Variants in NCKAP5 observed in about 807,000 individuals in gnomAD.
The protein encoded by NCKAP5 is nck-associated protein 5.
NCKAP5 carries 92 observed loss-of-function variants against 167.0 expected under a neutral mutation model. The observed-to-expected ratio is 0.55, with a 90% CI of 0.47 to 0.66. The LOEUF (loss-of-function observed/expected upper bound fraction) is 0.66, where lower values mean the gene tolerates loss of function less well. Ranked by LOEUF, NCKAP5 falls within the 30% of genes least tolerant of loss-of-function variation. The pLI is 0.00. For synonymous variants in NCKAP5, 891 were observed against 877.4 expected, an observed-to-expected ratio of 1.02 and a Z score of -0.27; for missense variants, 2,378 against 2,315.0, an observed-to-expected ratio of 1.03 and a Z score of -0.56.
intron 11 of NCKAP5, among the ~76,000 whole-genome samples, chr2:132,801,966 C>T (rs1422092906): frequency 2.6e-5 from 4 of 152,094 alleles, no homozygotes; most frequent in East Asian, 3.9e-4. Flanking sequence ...TTAGTAGAGA[C>T]GGGGTTTCAC....
intron 5 of NCKAP5, among the ~76,000 whole-genome samples, chr2:133,198,123 T>C (rs1391983351): frequency 6.6e-6 from 1 of 152,090 alleles, no homozygotes; most frequent in East Asian, 1.9e-4. Context: ...TGTGAAAATA[T>C]ATAGATAGGC....
rs544254489 is a variant in NCKAP5 at position 133,285,907 on chromosome 2, C to T, written c.143+17130G>A. Among the ~76,000 whole-genome samples the T allele has an allele frequency of 1.4e-4, 22 of 152,116 alleles. 1 individual carries two copies. Among genetic ancestry groups the T allele is most frequent in the Non-Finnish European group, 2.5e-4 (17 of 68,014 alleles). ...CATTTAACTGATGAGCTGAAACTCA[C>T]GTCCTTCCTTTTGAAAGCTAAAGTA... On this transcript the variant is annotated intron_variant, in intron 4 of 19. Transcript: ENST00000409261.
At chr2:133,632,377 G>A in the NCKAP5 span, among the ~76,000 whole-genome samples, 1 of 152,384 alleles carries the variant, frequency 6.6e-6, no homozygotes, top group East Asian at 1.9e-4. Context: ...CCCCAAGGCT[G>A]CCTGGATTAA....
chr2:133,082,838 G>A (rs1478551572), intron 6 of NCKAP5, among the ~76,000 whole-genome samples: 2 of 152,174 alleles, frequency 1.3e-5, no homozygotes, highest in Non-Finnish European at 2.9e-5. Context: ...TGAGAAAATA[G>A]TTGGTGCTTC....
chr2:132,779,928 T>C (rs957455534), intron 15 of NCKAP5, among the ~76,000 whole-genome samples: 7 of 152,178 alleles, frequency 4.6e-5, no homozygotes, highest in Admixed American at 3.9e-4. Context: ...ATAATCTCTT[T>C]ATTAGAGTAC....
intron 11 of NCKAP5, among the ~76,000 whole-genome samples, chr2:132,806,749 T>G (rs1442363463): frequency 6.6e-6 from 1 of 152,346 alleles, no homozygotes; most frequent in East Asian, 1.9e-4. Flanking sequence ...CTGTTCCTTT[T>G]GCTGTGCAAA....
At chr2:133,584,203 C>T in the NCKAP5 span, among the ~76,000 whole-genome samples, 33 of 152,032 alleles carry the variant, frequency 2.2e-4, no homozygotes, top group Non-Finnish European at 4.3e-4. Context: ...CTCACACATG[C>T]ACACACACAC....
chr2:133,293,471 C>A (rs148166299), intron 4 of NCKAP5, among the ~76,000 whole-genome samples: 1 of 152,148 alleles, frequency 6.6e-6, no homozygotes, highest in Non-Finnish European at 1.5e-5. Flanking sequence ...CTGGTTCAAT[C>A]AAACCAGATG....
At chr2:132,721,775 G>A (rs1312675084) in intron 19 of NCKAP5, among the ~76,000 whole-genome samples, 1 of 152,196 alleles carries the variant, frequency 6.6e-6, no homozygotes, top group African/African-American at 2.4e-5. Flanking sequence ...CCACAGCTGG[G>A]GCTGACCTGT....
chr2:133,548,273 G>C (rs1686932455), intron 2 of NCKAP5, among the ~76,000 whole-genome samples: 2 of 152,042 alleles, frequency 1.3e-5, no homozygotes, highest in African/African-American at 2.4e-5. Context: ...GAAAGTGATG[G>C]GGAGAATGGA....
Position 133,198,873 on chromosome 2 carries a change from A to C in NCKAP5, c.207+14843T>G, listed in dbSNP as rs548501065. 3.9e-5 allele frequency among the ~76,000 whole-genome samples: 6 copies of C among 152,228 alleles called. No individual in the cohort carries two copies. In the South Asian group the frequency reaches 1.2e-3, roughly 32 times the overall value. On this transcript the variant is annotated intron_variant, in intron 5 of 19. Coordinates refer to ENST00000409261, the MANE Select transcript of NCKAP5 (RefSeq NM_207363.3). ...AGTTCTTTTTTTAAAATCTTATTAC[A>C]CAATCAAAATAATCAAACAGTGTGG...
chr2:133,383,263 T>A (rs1216114153), intron 3 of NCKAP5, among the ~76,000 whole-genome samples: 1 of 152,164 alleles, frequency 6.6e-6, no homozygotes, highest in Non-Finnish European at 1.5e-5. Flanking sequence ...CCCCTTCCTG[T>A]ATCCAAGTGT....
chr2:133,029,371 G>A (rs2078803115), intron 6 of NCKAP5, among the ~76,000 whole-genome samples: 1 of 152,146 alleles, frequency 6.6e-6, no homozygotes. Context: ...TCAGATCACA[G>A]AGTTAAAGTA....
intron 6 of NCKAP5, among the ~76,000 whole-genome samples, chr2:133,036,042 A>C (rs2079030197): frequency 6.6e-6 from 1 of 151,992 alleles, no homozygotes; most frequent in Non-Finnish European, 1.5e-5. Context: ...GGCTACTATG[A>C]GCAACTATAT....
intron 8 of NCKAP5, chr2:132,930,710 C>A (rs1455555007): frequency 6.6e-6 from 1 of 152,108 alleles, no homozygotes; most frequent in South Asian, 2.1e-4. Flanking sequence ...CATATTAAAC[C>A]TCCTCTCCTG....
At chr2:133,303,184 C>G (rs935125443) in intron 3 of NCKAP5, 74 bp from the exon 4 acceptor site, 3 of 1,006,216 alleles carry the variant, frequency 3.0e-6, no homozygotes, top group African/African-American at 1.6e-5. Context: ...GACCTTATCT[C>G]TACAAGGAGT....
At chr2:133,161,359 T>C (rs1373431378) in intron 5 of NCKAP5, among the ~76,000 whole-genome samples, 1 of 152,186 alleles carries the variant, frequency 6.6e-6, no homozygotes, top group Non-Finnish European at 1.5e-5. Context: ...GCACAAACCC[T>C]ATATATGTTT....
chr2:133,465,937 A>C (rs933483136), intron 3 of NCKAP5, among the ~76,000 whole-genome samples: 2 of 149,370 alleles, frequency 1.3e-5, no homozygotes, highest in Non-Finnish European at 3.0e-5. Flanking sequence ...AGGTTGCGAA[A>C]ATTTTCTCCC....
chr2:133,422,232 C>T (rs1689523804), intron 3 of NCKAP5, among the ~76,000 whole-genome samples: 1 of 152,234 alleles, frequency 6.6e-6, no homozygotes, highest in Non-Finnish European at 1.5e-5. Context: ...CATACATGGC[C>T]TCTGTCCTCA....
Sources: allele counts gnomAD v4.1 joint callset (sites outside exome capture counted in the v4.1 genomes callset), GRCh38; gene constraint gnomAD v4.1.1; transcripts MANE v1.5; gene names NCBI Gene and HGNC (gene_info 2026-07-23, HGNC 2026-07-21).